Variants in ARHGAP26 observed in about 807,000 individuals in gnomAD.
The protein encoded by ARHGAP26 is Rho GTPase activating protein 26.
ARHGAP26 carries 38 observed loss-of-function variants against 104.8 expected under a neutral mutation model. That is an observed-to-expected ratio of 0.36 (90% CI 0.28 to 0.48). The LOEUF is 0.48. ARHGAP26 is among the 20% of genes least tolerant of loss of function. The pLI is 0.99. For synonymous variants in ARHGAP26, 341 were observed against 340.0 expected (o/e 1.00, Z -0.03); for missense variants, 704 against 947.9 (o/e 0.74, Z 3.38).
intron 19 of ARHGAP26, among the ~76,000 whole-genome samples, chr5:143,134,767 TTTG>T: frequency 6.6e-6 from 1 of 152,252 alleles, no homozygotes. Flanking sequence ...TGTTTCAGCC[TTTG>T]CTCTAAGAGA....
At chr5:143,144,387 A>G (rs1264410452) in intron 19 of ARHGAP26, among the ~76,000 whole-genome samples, 2 of 151,586 alleles carry the variant, frequency 1.3e-5, no homozygotes, top group African/African-American at 4.8e-5. Flanking sequence ...ACATTACGGG[A>G]TCATTTTTTC....
intron 1 of ARHGAP26, among the ~76,000 whole-genome samples, chr5:142,848,932 G>C (rs1402932913): frequency 6.6e-6 from 1 of 152,112 alleles, no homozygotes; most frequent in Non-Finnish European, 1.5e-5. Flanking sequence ...GACAAACATG[G>C]GTGTGTTAGA....
chr5:142,944,310 T>C (rs1184266336), intron 11 of ARHGAP26, among the ~76,000 whole-genome samples: 1 of 152,260 alleles, frequency 6.6e-6, no homozygotes, highest in African/African-American at 2.4e-5. Context: ...GTTTTCAGCT[T>C]TTGATGACAT....
Position 143,223,370 on chromosome 5 carries a change from C to G in ARHGAP26, c.*924C>G, listed in dbSNP as rs1811421939. 1 of 232,646 alleles carries G rather than the reference C, an allele frequency of 4.3e-6. No homozygotes were observed. The highest frequency in any genetic ancestry group is 8.5e-6 in the Non-Finnish European group (1 of 117,394). The allele number at this position is 232,646 out of a possible 1,614,324, so 14.4% of individuals were successfully genotyped here. A position where few individuals can be genotyped will look rare whatever the true frequency, so the allele number is the denominator to read the frequency against. On this transcript the variant is annotated 3_prime_UTR_variant, in exon 23 of 23. Coordinates refer to ENST00000645722, the MANE Select transcript of ARHGAP26 (RefSeq NM_001135608.3). ...CCTTTCTGATTAATTTCAGCAGCAT[C>G]GGAATATATTTGGAGCACACCCTAG...
chr5:143,012,552 C>CATACATACATATATATATATATATAT (rs1200923855), intron 11 of ARHGAP26, among the ~76,000 whole-genome samples: 1 of 20,846 alleles, frequency 4.8e-5, no homozygotes, highest in African/African-American at 1.2e-4. Context: ...TACATACATA[C>CATACATACATATATATATATATATAT]ATATATATAT....
At chr5:142,775,787 T>G (rs1756199056) in intron 1 of ARHGAP26, among the ~76,000 whole-genome samples, 1 of 152,252 alleles carries the variant, frequency 6.6e-6, no homozygotes, top group South Asian at 2.1e-4. Flanking sequence ...TTCATCCATG[T>G]TAATAGCATG....
At chr5:142,940,440 A>G (rs1766077541) in intron 11 of ARHGAP26, among the ~76,000 whole-genome samples, 1 of 152,068 alleles carries the variant, frequency 6.6e-6, no homozygotes, top group African/African-American at 2.4e-5. Flanking sequence ...CTAGTACCCA[A>G]TAATTACTTT....
intron 11 of ARHGAP26, among the ~76,000 whole-genome samples, chr5:142,997,345 A>C (rs1409053852): frequency 6.6e-6 from 1 of 152,174 alleles, no homozygotes; most frequent in African/African-American, 2.4e-5. Context: ...GGTGTTGCAC[A>C]GGCCCTACTC....
rs1276347986 is a variant in ARHGAP26, at chr5:143,224,351, G to A, written c.*1905G>A. On this transcript the variant is annotated 3_prime_UTR_variant, in exon 23 of 23. Transcript: ENST00000645722. ...CTTGCTCTCTGCTGTCCTGTTGGTG[G>A]GCACGACACATCAGTGGTGTTCAGT... The A allele has an allele frequency of 8.7e-6, 2 of 230,694 alleles. No homozygotes were observed. Among genetic ancestry groups the A allele is most frequent in the Non-Finnish European group, 1.7e-5 (2 of 116,326 alleles). The allele number at this position is 230,694 out of a possible 1,614,324, so 14.3% of individuals were successfully genotyped here. A position where few individuals can be genotyped will look rare whatever the true frequency, so the allele number is the denominator to read the frequency against.
At chr5:142,820,059 TG>T (rs1173221098) in intron 1 of ARHGAP26, among the ~76,000 whole-genome samples, 1 of 152,226 alleles carries the variant, frequency 6.6e-6, no homozygotes, top group Non-Finnish European at 1.5e-5. Flanking sequence ...TGGAACTTTC[TG>T]GGGGTTATTT....
intron 20 of ARHGAP26, among the ~76,000 whole-genome samples, chr5:143,153,209 A>G (rs1800051843): frequency 6.6e-6 from 1 of 152,230 alleles, no homozygotes; most frequent in Non-Finnish European, 1.5e-5. Flanking sequence ...TTTATGGCTA[A>G]TGGCTGAGGC....
At position 143,223,302 on chromosome 5, in the gene ARHGAP26, G is replaced by A. The variant is rs751198714; in HGVS notation, c.*856G>A. 8.6e-6 allele frequency: 2 copies of A among 233,134 alleles called. No individual in the cohort carries two copies. Among genetic ancestry groups the A allele is most frequent in the Non-Finnish European group, 1.7e-5 (2 of 117,788 alleles). The allele number at this position is 233,134 out of a possible 1,614,324, so 14.4% of individuals were successfully genotyped here. On this transcript the variant is annotated 3_prime_UTR_variant, in exon 23 of 23. Transcript: ENST00000645722. ...TGAAGCACAGGATCAAGGAATTAGG[G>A]TGGTCTACTTGAGGCAGATGGGATA...
At chr5:142,808,156 A>AC (rs1763352018) in intron 1 of ARHGAP26, among the ~76,000 whole-genome samples, 1 of 138,618 alleles carries the variant, frequency 7.2e-6, no homozygotes, top group South Asian at 2.5e-4. Context: ...AATGGCATGA[A>AC]CCCGGGAGGC....
At chr5:143,095,749 T>G (rs955492727) in intron 17 of ARHGAP26, among the ~76,000 whole-genome samples, 3 of 152,184 alleles carry the variant, frequency 2.0e-5, no homozygotes, top group Non-Finnish European at 4.4e-5. Context: ...ATTTTTGTAT[T>G]TTTGGTAGAG....
At chr5:142,856,783 T>G (rs1016621806) in intron 1 of ARHGAP26, among the ~76,000 whole-genome samples, 9 of 152,222 alleles carry the variant, frequency 5.9e-5, no homozygotes, top group Non-Finnish European at 1.3e-4. Context: ...AGGATGTTTG[T>G]AGGTTATATG....
At chr5:142,817,654 T>G (rs1051229621) in intron 1 of ARHGAP26, among the ~76,000 whole-genome samples, 1 of 152,134 alleles carries the variant, frequency 6.6e-6, no homozygotes, top group African/African-American at 2.4e-5. Context: ...ATGTAGTAAG[T>G]GCCCACCTCT....
chr5:142,994,175 A>G (rs1776045679), intron 11 of ARHGAP26, among the ~76,000 whole-genome samples: 1 of 152,192 alleles, frequency 6.6e-6, no homozygotes, highest in Non-Finnish European at 1.5e-5. Context: ...ATGATTTTAG[A>G]CTGAGGGAGT....
At chr5:143,052,435 A>T (rs568692730) in intron 14 of ARHGAP26, among the ~76,000 whole-genome samples, 19 of 151,716 alleles carry the variant, frequency 1.3e-4, no homozygotes, top group African/African-American at 4.4e-4. Context: ...GCGCCACTGC[A>T]CTCCAGCCTG....
At chr5:142,837,464 G>A (rs1769813489) in intron 1 of ARHGAP26, among the ~76,000 whole-genome samples, 2 of 151,974 alleles carry the variant, frequency 1.3e-5, no homozygotes, top group Admixed American at 1.3e-4. Flanking sequence ...TTCGAACTTG[G>A]TATCTTGTTA....
Sources: gnomAD v4.1 joint callset for allele counts (sites outside exome capture counted in the v4.1 genomes callset) on GRCh38, gnomAD v4.1.1 for gene constraint, MANE v1.5 for transcripts, NCBI Gene and HGNC (gene_info 2026-07-23, HGNC 2026-07-21) for gene names.